The following MYO9A variants were observed in gnomAD, a reference collection of about 807,000 sequenced individuals.
MYO9A encodes unconventional myosin-IXa.
MYO9A carries 103 observed loss-of-function variants against 293.3 expected under a neutral mutation model. The ratio of observed to expected loss-of-function variants is 0.35; its 90% confidence interval spans 0.30 to 0.41. The LOEUF (loss-of-function observed/expected upper bound fraction) is 0.41, where lower values mean the gene tolerates loss of function less well. MYO9A is among the 10% of genes least tolerant of loss of function. The pLI, the probability that MYO9A is intolerant of heterozygous loss-of-function variation, is 1.00. For synonymous variants in MYO9A, 1,001 were observed against 1,035.7 expected (o/e 0.97, Z 0.64); for missense variants, 2,685 against 3,033.0 (o/e 0.89, Z 2.69).
In MYO9A at chr15:72,024,050, T is replaced by C. The variant is rs2149272603; in HGVS notation, c.999-3033A>G. Among the ~76,000 whole-genome samples the C allele has an allele frequency of 1.3e-5, 2 of 151,894 alleles. 1 individual carries two copies. The highest frequency in any genetic ancestry group is 4.2e-4 in the South Asian group (2 of 4,800). ...TCAAAACGTTGAAAGGAAAAAAAAA[T>C]TGTCAATCAAGAAGTATATATCCAG... On this transcript the variant is annotated intron_variant, in intron 4 of 41. Coordinates refer to ENST00000356056, the MANE Select transcript of MYO9A (RefSeq NM_006901.4).
At chr15:71,959,347 T>C (rs928236174) in intron 14 of MYO9A, 1 of 152,400 alleles carries the variant, frequency 6.6e-6, no homozygotes, top group African/African-American at 2.4e-5. Flanking sequence ...TAAATCACTT[T>C]GGGAGTCCTG....
At position 71,880,532 on chromosome 15, in the gene MYO9A, G is replaced by A; in HGVS notation, c.5425C>T (p.Pro1809Ser). Residue 1809 changes from proline to serine, a missense_variant, in exon 29 of 42, where the codon CCT becomes TCT. By Grantham distance (74) the Pro-to-Ser change is moderately conservative (BLOSUM62 -1). Around this residue, in one of 10 missense-constraint regions of MYO9A, gnomAD observed 1,434 missense variants for 1,497.7 expected, o/e 0.96. Coordinates refer to ENST00000356056, the MANE Select transcript of MYO9A (RefSeq NM_006901.4). ...DELAAYHPTP[P>S]LSPELPGSCR... ...CTGCCGGGCAGTTCTGGGCTCAAAG[G>A]AGGTGTTGGGTGATATGCAGCTAAT... 6.2e-7 allele frequency: 1 copy of A among 1,614,130 alleles called. No homozygotes were observed. The highest frequency in any genetic ancestry group is 1.7e-4 in the Middle Eastern group (1 of 6,060).
intron 39 of MYO9A, among the ~76,000 whole-genome samples, chr15:71,830,718 CCCCCA>C (rs1324389132): frequency 6.6e-6 from 1 of 151,926 alleles, no homozygotes; most frequent in African/African-American, 2.4e-5. Flanking sequence ...TAGCTTGTGA[CCCCCA>C]CACTGACTGG....
intron 28 of MYO9A, 90 bp downstream of exon 28, chr15:71,883,504 T>C (rs889756324): frequency 6.7e-6 from 9 of 1,349,922 alleles, no homozygotes; most frequent in Admixed American, 4.6e-5. Context: ...GCCAACAGGA[T>C]TGACATTATG....
intron 14 of MYO9A, among the ~76,000 whole-genome samples, chr15:71,956,308 C>T (rs2059176721): frequency 1.8e-4 from 4 of 21,904 alleles, no homozygotes; most frequent in Non-Finnish European, 2.6e-4. Context: ...AAACCCGGCT[C>T]TTAAAAAAAA....
At chr15:72,070,657 T>C (rs1417046956) in intron 1 of MYO9A, among the ~76,000 whole-genome samples, 2 of 151,908 alleles carry the variant, frequency 1.3e-5, no homozygotes, top group Admixed American at 6.6e-5. Flanking sequence ...GCCACTGCAC[T>C]CCAGCTGGGC....
At chr15:71,966,888 T>C (rs1323511716) in intron 13 of MYO9A, among the ~76,000 whole-genome samples, 2 of 152,224 alleles carry the variant, frequency 1.3e-5, no homozygotes, top group Non-Finnish European at 2.9e-5. Flanking sequence ...CAAACTCAAC[T>C]TGGCTTACAA....
At chr15:71,853,847 CA>C (rs941843081) in intron 35 of MYO9A, among the ~76,000 whole-genome samples, 1 of 152,084 alleles carries the variant, frequency 6.6e-6, no homozygotes, top group Non-Finnish European at 1.5e-5. Context: ...CCCTTGGAGT[CA>C]GAATAATAAA....
intron 17 of MYO9A, among the ~76,000 whole-genome samples, chr15:71,934,327 A>G (rs1044517134): frequency 6.6e-6 from 1 of 152,188 alleles, no homozygotes; most frequent in Non-Finnish European, 1.5e-5. Flanking sequence ...TTAAGGTATG[A>G]TTTTAACCTC....
At chr15:72,089,623 T>A (rs2079844898) in intron 1 of MYO9A, among the ~76,000 whole-genome samples, 1 of 151,998 alleles carries the variant, frequency 6.6e-6, no homozygotes, top group South Asian at 2.1e-4. Flanking sequence ...CTACAAAAAA[T>A]TTTAAAAATT....
intron 1 of MYO9A, among the ~76,000 whole-genome samples, chr15:72,066,457 G>C (rs1180078432): frequency 6.8e-6 from 1 of 147,820 alleles, no homozygotes; most frequent in Non-Finnish European, 1.5e-5. Flanking sequence ...CTGCACTCCA[G>C]CCTGGCAACA....
chr15:71,827,588 G>A (rs1043341032), intron 41 of MYO9A, among the ~76,000 whole-genome samples: 6 of 152,104 alleles, frequency 3.9e-5, no homozygotes, highest in African/African-American at 1.4e-4. Flanking sequence ...CAATGTATAT[G>A]GAAGCTTTAC....
intron 14 of MYO9A, among the ~76,000 whole-genome samples, chr15:71,953,950 C>T (rs1338862819): frequency 6.6e-6 from 1 of 151,932 alleles, no homozygotes; most frequent in Non-Finnish European, 1.5e-5. Context: ...GGCTGGAGTG[C>T]ACTGGTGCAA....
At chr15:72,092,333 GA>G (rs2079940763) in intron 1 of MYO9A, among the ~76,000 whole-genome samples, 2 of 152,192 alleles carry the variant, frequency 1.3e-5, no homozygotes, top group Admixed American at 6.5e-5. Flanking sequence ...GCACTGAGCA[GA>G]AAAGAATGAT....
intron 12 of MYO9A, among the ~76,000 whole-genome samples, chr15:71,976,499 T>G (rs2076151025): frequency 6.6e-6 from 1 of 152,220 alleles, no homozygotes; most frequent in African/African-American, 2.4e-5. Context: ...CTTTCTTTTG[T>G]TACTATAAAA....
chr15:71,932,932 G>A (rs1484316096), intron 18 of MYO9A, among the ~76,000 whole-genome samples: 1 of 151,462 alleles, frequency 6.6e-6, no homozygotes, highest in Non-Finnish European at 1.5e-5. Context: ...CAAGTTTTTT[G>A]CTATTACAAA....
At chr15:72,107,018 C>T (rs1198855184) in intron 1 of MYO9A, among the ~76,000 whole-genome samples, 1 of 151,976 alleles carries the variant, frequency 6.6e-6, no homozygotes, top group African/African-American at 2.4e-5. Context: ...AAAAAACATA[C>T]ATCAATGTTA....
intron 6 of MYO9A, among the ~76,000 whole-genome samples, chr15:72,015,445 T>C (rs1027341706): frequency 2.0e-5 from 3 of 152,178 alleles, no homozygotes; most frequent in African/African-American, 2.4e-5. Context: ...CACAGATTTA[T>C]AGATGTTTGG....
chr15:71,834,962 T>C (rs959412939), intron 39 of MYO9A, among the ~76,000 whole-genome samples: 3 of 152,104 alleles, frequency 2.0e-5, no homozygotes, highest in Admixed American at 2.0e-4. Flanking sequence ...CATAATATAA[T>C]GATACTACTA....
Sources: gnomAD v4.1 joint callset for allele counts (sites outside exome capture counted in the v4.1 genomes callset) on GRCh38, gnomAD v4.1.1 for gene constraint, gnomAD v4.1.1 regional missense constraint, MANE v1.5 for transcripts, NCBI Gene and HGNC (gene_info 2026-07-23, HGNC 2026-07-21) for gene names.